Variants in POMC observed in about 807,000 individuals in gnomAD.
POMC encodes the protein pro-opiomelanocortin.
A neutral mutation model predicts 18.5 loss-of-function variants in POMC; 19 were observed. That is an observed-to-expected ratio of 1.03 (90% confidence interval 0.72 to 1.51). The LOEUF is 1.51. Among genes scored for constraint, POMC ranks in the 40% most tolerant of loss-of-function variants. The probability of loss-of-function intolerance (pLI) is 0.00; values close to 1 mark genes in which losing one functional copy is unlikely to be tolerated. For synonymous variants in POMC, 179 were observed against 161.9 expected (o/e 1.11, Z -0.80); for missense variants, 451 against 379.0 (o/e 1.19, Z -1.58).
intron 1 of POMC, among the ~76,000 whole-genome samples, chr2:25,166,685 T>A (rs1671566917): frequency 6.6e-6 from 1 of 152,226 alleles, no homozygotes; most frequent in Non-Finnish European, 1.5e-5. Flanking sequence ...CCCTATGTGC[T>A]GTGTTGTACA....
intron 1 of POMC, among the ~76,000 whole-genome samples, chr2:25,166,833 G>A (rs1004554676): frequency 6.6e-6 from 1 of 152,174 alleles, no homozygotes; most frequent in African/African-American, 2.4e-5. Flanking sequence ...TTGCTTATGT[G>A]TATGTGTATT....
chr2:25,167,633 G>A (rs1016772435), intron 1 of POMC, among the ~76,000 whole-genome samples: 22 of 152,132 alleles, frequency 1.4e-4, no homozygotes, highest in African/African-American at 5.3e-4. Context: ...AATTGACCCA[G>A]TTATCATGTA....
intron 1 of POMC, among the ~76,000 whole-genome samples, chr2:25,167,329 A>G (rs1403153964): frequency 6.6e-6 from 1 of 152,228 alleles, no homozygotes; most frequent in Non-Finnish European, 1.5e-5. Flanking sequence ...CCTTCCAGCC[A>G]TTCTGTAAGA....
chr2:25,161,788 GC>G lies in POMC; in HGVS notation c.133-37del, dbSNP rs749295049. On this transcript the variant is annotated intron_variant, in intron 2 of 2. Transcript: ENST00000395826. This position sits in a 1 kb window ranked among gnomAD's most constrained non-coding sequence, Gnocchi z 5.7. ...ACGCGAGGGCATGAGGGCAGCCCGT[GC>G]CCCGCACCCCGGCCCGGCTGCCGCG... 6.4e-6 allele frequency: 10 copies of G among 1,556,624 alleles called. No homozygotes were observed. Among genetic ancestry groups the G allele is most frequent in the Non-Finnish European group, 5.2e-6 (6 of 1,152,740 alleles).
Position 25,161,924 on chromosome 2 carries a change from C to T in POMC, c.133-172G>A, listed in dbSNP as rs190186681. On this transcript the variant is annotated intron_variant, in intron 2 of 2. Coordinates refer to ENST00000395826, the MANE Select transcript of POMC (RefSeq NM_000939.4). The surrounding 1 kb of genome is among the most constrained non-coding windows in gnomAD (Gnocchi z 5.7). ...CTCCCTACAGAGCAGGTCTGCCCAC[C>T]TGCTTTCTTGGCACTCGTGGGCATC... Among the ~76,000 whole-genome samples the T allele has an allele frequency of 4.4e-3, 663 of 151,760 alleles. 4 individuals are homozygous for T. The highest frequency in any genetic ancestry group is 0.015 in the African/African-American group (602 of 41,056).
In POMC at chr2:25,168,289, G is replaced by T. The variant is rs547811387; in HGVS notation, c.-21+209C>A. Among the ~76,000 whole-genome samples, 181 of 152,336 alleles carry T rather than the reference G, an allele frequency of 1.2e-3. No individual in the cohort carries two copies. Among genetic ancestry groups the T allele is most frequent in the Non-Finnish European group, 2.1e-3 (144 of 68,022 alleles). ...AGCGCCTGCAGCTTCGCGGCCGTCC[G>T]CCCAGGGGCCGGACGTGGGCCCTCC... is the stretch of plus-strand genomic sequence containing the variant. On this transcript the variant is annotated intron_variant, in intron 1 of 2. Transcript: ENST00000395826. This position sits in a 1 kb window ranked among gnomAD's most constrained non-coding sequence, Gnocchi z 5.2.
intron 2 of POMC, among the ~76,000 whole-genome samples, chr2:25,164,239 G>C (rs116601532): frequency 6.6e-6 from 1 of 152,116 alleles, no homozygotes; most frequent in Non-Finnish European, 1.5e-5. Context: ...TAGATAAAAG[G>C]GTAAGAAATA....
rs1671389661 is a variant in POMC at position 25,161,690 on chromosome 2, G to A, written c.195C>T (p.Gly65=). The A allele has an allele frequency of 1.3e-6, 2 of 1,581,160 alleles. No individual in the cohort carries two copies. Among genetic ancestry groups the A allele is most frequent in the Non-Finnish European group, 1.7e-6 (2 of 1,164,642 alleles). Reference sequence around the variant, plus strand: ...GGTTCTCGGTCAGAGGCTGCTCGTCGCCATTTCCCGGGAACATGGGAGTCT... The same window carrying A: ...GGTTCTCGGTCAGAGGCTGCTCGTCACCATTTCCCGGGAACATGGGAGTCT... ...SAETPMFPGN[G]DEQPLTENPR... Residue 65 remains glycine, a synonymous_variant, in exon 3 of 3, where the codon GGC becomes GGT. Transcript: ENST00000395826. This position sits in a 1 kb window ranked among gnomAD's most constrained non-coding sequence, Gnocchi z 5.7.
At chr2:25,164,243 A>T (rs1671480627) in intron 2 of POMC, among the ~76,000 whole-genome samples, 1 of 152,226 alleles carries the variant, frequency 6.6e-6, no homozygotes, top group Admixed American at 6.5e-5. Context: ...TAAAAGGGTA[A>T]GAAATATGGA....
At position 25,161,633 on chromosome 2, in the gene POMC, C is replaced by T. The variant is rs1476776978; in HGVS notation, c.252G>A (p.Trp84Ter). ...TGCTGTTGCGGCGGCCGAATCGGTC[C>T]CAGCGGAAGTGGCCCATGACGTACT... Reference protein sequence around the residue: ...PRKYVMGHFRWDRFGRRNSSS... With the variant: ...PRKYVMGHFR The change falls in exon 3 of 3, where the codon TGG (tryptophan) becomes TGA (stop). Residue 84 changes from tryptophan (W) to a stop codon, truncating the protein, a stop_gained. Coordinates refer to ENST00000395826, the MANE Select transcript of POMC (RefSeq NM_000939.4). LOFTEE classifies it high-confidence loss of function. This position sits in a 1 kb window ranked among gnomAD's most constrained non-coding sequence, Gnocchi z 5.7. 9 of 1,552,644 alleles carry T rather than the reference C, an allele frequency of 5.8e-6. No homozygotes were observed. Among genetic ancestry groups the T allele is most frequent in the Non-Finnish European group, 7.8e-6 (9 of 1,148,776 alleles).
chr2:25,166,515 T>C (rs1421534648), intron 1 of POMC, among the ~76,000 whole-genome samples: 1 of 152,234 alleles, frequency 6.6e-6, no homozygotes, highest in African/African-American at 2.4e-5. Context: ...TAAAGTAACA[T>C]ATTAGTAAAG....
At chr2:25,164,813 G>T (rs1573254334) in intron 1 of POMC, 21 bp from the exon 2 acceptor site, 2 of 1,612,184 alleles carry the variant, frequency 1.2e-6, no homozygotes, top group Non-Finnish European at 1.7e-6. Context: ...AAACAAGATT[G>T]GTGGGACCCC....
chr2:25,164,312 T>G lies in POMC; in HGVS notation c.132+329A>C, dbSNP rs12473543. 0.25 allele frequency among the ~76,000 whole-genome samples: 37,714 copies of G among 152,002 alleles called. 5,563 individuals are homozygous for G. Among genetic ancestry groups the G allele is most frequent in the East Asian group, 0.6 (3,104 of 5,168 alleles). ...AGGAATAGTTTGGGAAGCTAAAGAT[T>G]TAAAGTACAGAATAGATTGAGGGGT... On this transcript the variant is annotated intron_variant, in intron 2 of 2. Coordinates refer to ENST00000395826, the MANE Select transcript of POMC (RefSeq NM_000939.4).
intron 2 of POMC, among the ~76,000 whole-genome samples, chr2:25,162,031 A>G (rs908743787): frequency 7.9e-5 from 12 of 151,942 alleles, no homozygotes; most frequent in African/African-American, 2.9e-4. Flanking sequence ...ATCCCATTCC[A>G]TGGTTTGTCT....
At chr2:25,167,471 G>C (rs1671594813) in intron 1 of POMC, among the ~76,000 whole-genome samples, 1 of 152,124 alleles carries the variant, frequency 6.6e-6, no homozygotes, top group African/African-American at 2.4e-5. Context: ...CCTCAACCCA[G>C]GATCTGCGCC....
In POMC at chr2:25,164,699, C is replaced by G. The variant is rs143923583; in HGVS notation, c.74G>C (p.Arg25Pro). ...CTGGCTGCTCTCCAGGCACCAGCCA[C>G]GCACTTCCATGGAGGCCTGAAGCAG... Reference protein sequence around the residue: ...ALLLQASMEVRGWCLESSQCQ... With the variant: ...ALLLQASMEVPGWCLESSQCQ... Residue 25 changes from arginine to proline, a missense_variant, in exon 2 of 3, where the codon CGT becomes CCT. Coordinates refer to ENST00000395826, the MANE Select transcript of POMC (RefSeq NM_000939.4). 1.2e-6 allele frequency: 2 copies of G among 1,614,204 alleles called. No individual in the cohort carries two copies. The highest frequency in any genetic ancestry group is 1.7e-5 in the Admixed American group (1 of 60,032).
chr2:25,162,942 C>T (rs1210844968), intron 2 of POMC, among the ~76,000 whole-genome samples: 3 of 151,946 alleles, frequency 2.0e-5, no homozygotes, highest in South Asian at 2.1e-4. Context: ...GGAAAGCTAG[C>T]GTTATTTCCA....
rs28932470 is a variant in POMC at position 25,161,727 on chromosome 2, T to C, written c.158A>G (p.Asp53Gly). The C allele has an allele frequency of 6.2e-4, 987 of 1,594,094 alleles. 2 individuals carry two copies. The highest frequency in any genetic ancestry group is 5.6e-3 in the African/African-American group (414 of 74,358). The change falls in exon 3 of 3, where the codon GAC becomes GGC. Residue 53 changes from aspartate to glycine, a missense_variant. Coordinates refer to ENST00000395826, the MANE Select transcript of POMC (RefSeq NM_000939.4). This position sits in a 1 kb window ranked among gnomAD's most constrained non-coding sequence, Gnocchi z 5.7. ...LLECIRACKP[D>G]LSAETPMFPG... ...GAACATGGGAGTCTCGGCCGAGAGG[T>C]CGGGCTTGCAGGCCCGGATGCACTC...
chr2:25,168,188 C>T lies in POMC; in HGVS notation c.-21+310G>A, dbSNP rs2149224276. ...AAAAAAAGACCGGGTTGTCCCAAGA[C>T]CTCCTAGCAAGCTCTCGGAGCCTCC... On this transcript the variant is annotated intron_variant, in intron 1 of 2. Coordinates refer to ENST00000395826, the MANE Select transcript of POMC (RefSeq NM_000939.4). The surrounding 1 kb of genome is among the most constrained non-coding windows in gnomAD (Gnocchi z 5.2). Among the ~76,000 whole-genome samples, 1 of 151,836 alleles carries T rather than the reference C, an allele frequency of 6.6e-6. No individual in the cohort carries two copies. The highest frequency in any genetic ancestry group is 2.4e-5 in the African/African-American group (1 of 41,464).
Sources: gnomAD v4.1 joint callset for allele counts (sites outside exome capture counted in the v4.1 genomes callset) on GRCh38, gnomAD v4.1.1 for gene constraint, Gnocchi (gnomAD v3.1) non-coding constraint, MANE v1.5 for transcripts, NCBI Gene and HGNC (gene_info 2026-07-23, HGNC 2026-07-21) for gene names.